The following DNAH3 variants were observed in gnomAD, a reference collection of about 807,000 sequenced individuals.
DNAH3 encodes the protein dynein axonemal heavy chain 3, also known as axonemal beta dynein heavy chain 3.
A neutral mutation model predicts 432.5 loss-of-function variants in DNAH3; 332 were observed. The observed-to-expected ratio is 0.77, with a 90% confidence interval of 0.70 to 0.84. The LOEUF is 0.84. Among genes scored for constraint, DNAH3 ranks in the 40% least tolerant of loss-of-function variants. The probability of loss-of-function intolerance (pLI) is 0.00; values close to 1 mark genes in which losing one functional copy is unlikely to be tolerated. For synonymous variants in DNAH3, 1,956 were observed against 1,900.2 expected (o/e 1.03, Z -0.76); for missense variants, 4,861 against 5,114.0 (o/e 0.95, Z 1.51).
chr16:20,973,592 C>G (rs2085443403), intron 51 of DNAH3, among the ~76,000 whole-genome samples: 1 of 152,206 alleles, frequency 6.6e-6, no homozygotes, highest in Non-Finnish European at 1.5e-5. Context: ...TTGTAATGCT[C>G]AAATGTAACC....
chr16:21,022,264 A>G (rs12925865), intron 39 of DNAH3, among the ~76,000 whole-genome samples, 164 bp from the exon 40 acceptor site: 2,833 of 152,280 alleles, frequency 0.019, 53 homozygotes, highest in Middle Eastern at 0.054. Flanking sequence ...CTATCTCAGC[A>G]TCCTCCTTCA....
intron 44 of DNAH3, among the ~76,000 whole-genome samples, chr16:20,988,937 G>A (rs907233818): frequency 3.3e-5 from 5 of 152,126 alleles, no homozygotes; most frequent in Non-Finnish European, 5.9e-5. Context: ...GGAGTTATTC[G>A]TTCCTCCCGG....
chr16:21,034,236 T>C, intron 35 of DNAH3, 151 bp from the exon 36 acceptor site: 2 of 586,258 alleles, frequency 3.4e-6, no homozygotes, highest in Non-Finnish European at 3.0e-6. Flanking sequence ...TCATGGTCTA[T>C]TGTTTACATA....
At position 21,080,961 on chromosome 16, in the gene DNAH3, A is replaced by G. The variant is rs141557307; in HGVS notation, c.2969+675T>C. ...AAGATGGAGTCTCACACTGTCACCC[A>G]GGCTGTAGTGCAATGGCGCTATCTT... is the stretch of plus-strand genomic sequence containing the variant. On this transcript the variant is annotated intron_variant, in intron 20 of 61. Transcript: ENST00000261383. Among the ~76,000 whole-genome samples, 1,493 of 152,100 alleles carry G rather than the reference A, an allele frequency of 9.8e-3. 27 individuals carry two copies. The highest frequency in any genetic ancestry group is 0.035 in the African/African-American group (1,442 of 41,492).
chr16:21,031,283 T>C (rs777443360), exon 37 of DNAH3: 29 of 1,614,020 alleles, frequency 1.8e-5, no homozygotes, highest in African/African-American at 4.0e-5. Context: ...CTCCATCTGA[T>C]TGGCTGGGCA....
chr16:21,107,774 G>A (rs534590030), intron 14 of DNAH3, among the ~76,000 whole-genome samples: 13 of 152,164 alleles, frequency 8.5e-5, no homozygotes, highest in South Asian at 6.2e-4. Flanking sequence ...CAAATCATCC[G>A]CAATACGTCC....
chr16:21,072,852 T>C (rs1191039655), intron 21 of DNAH3, among the ~76,000 whole-genome samples: 1 of 149,118 alleles, frequency 6.7e-6, no homozygotes, highest in Non-Finnish European at 1.5e-5. Context: ...ACTATTATTA[T>C]TATTATTATT....
At chr16:21,066,115 C>A (rs531390561) in intron 24 of DNAH3, among the ~76,000 whole-genome samples, 2 of 151,838 alleles carry the variant, frequency 1.3e-5, no homozygotes, top group African/African-American at 4.8e-5. Context: ...CATAAGCCAC[C>A]GTGCTCAGTC....
At chr16:20,945,129 C>T (rs2083986515) in intron 57 of DNAH3, among the ~76,000 whole-genome samples, 1 of 152,224 alleles carries the variant, frequency 6.6e-6, no homozygotes, top group African/African-American at 2.4e-5. Flanking sequence ...AAAGACCTTG[C>T]TGATAAAACA....
intron 31 of DNAH3, among the ~76,000 whole-genome samples, chr16:21,046,760 C>A (rs1056438425): frequency 4.6e-5 from 7 of 151,974 alleles, no homozygotes; most frequent in African/African-American, 1.5e-4. Context: ...GATGCAGTTT[C>A]TTCCTAGTCT....
intron 52 of DNAH3, among the ~76,000 whole-genome samples, chr16:20,969,281 CATGT>C (rs950571968): frequency 7.5e-5 from 11 of 146,194 alleles, no homozygotes; most frequent in Middle Eastern, 3.7e-3. Context: ...TGTGTGCATG[CATGT>C]GTGTGCATGT....
At chr16:21,101,919 G>A (rs542066885) in intron 16 of DNAH3, among the ~76,000 whole-genome samples, 15 of 152,250 alleles carry the variant, frequency 9.9e-5, no homozygotes, top group Non-Finnish European at 1.8e-4. Flanking sequence ...AGAGCCGGAG[G>A]GTGGGGTAGG....
At chr16:21,129,174 C>T (rs554049906) in intron 7 of DNAH3, 391 of 153,262 alleles carry the variant, frequency 2.6e-3, no homozygotes, top group African/African-American at 6.7e-3. Flanking sequence ...TACCCACCTC[C>T]GTGACTCACA....
chr16:20,945,859 A>G (rs2084022945), intron 57 of DNAH3, among the ~76,000 whole-genome samples: 1 of 152,182 alleles, frequency 6.6e-6, no homozygotes. Context: ...TTCTTGTGCA[A>G]GATCCAAGAA....
intron 21 of DNAH3, among the ~76,000 whole-genome samples, chr16:21,072,207 G>A (rs2090810160): frequency 1.3e-5 from 2 of 148,920 alleles, no homozygotes; most frequent in Admixed American, 6.7e-5. Context: ...AGAAAGTTTG[G>A]GGACCTTTGT....
chr16:21,115,760 A>T (rs866562210), intron 12 of DNAH3, among the ~76,000 whole-genome samples: 62 of 147,654 alleles, frequency 4.2e-4, no homozygotes, highest in East Asian at 1.1e-3. Flanking sequence ...ATAAAATAAA[A>T]TAAATAAAAT....
chr16:21,084,489 AT>A (rs1198260758), intron 19 of DNAH3, among the ~76,000 whole-genome samples: 6 of 151,726 alleles, frequency 4.0e-5, no homozygotes, highest in Non-Finnish European at 7.4e-5. Context: ...CGCCCGGCTA[AT>A]TTTTTTGTAT....
exon 53 of DNAH3, chr16:20,963,655 G>A (rs2084921786): frequency 6.2e-7 from 1 of 1,614,052 alleles, no homozygotes; most frequent in South Asian, 1.1e-5. Flanking sequence ...TTGGGGAGCT[G>A]GATTGGGGTA....
intron 16 of DNAH3, among the ~76,000 whole-genome samples, chr16:21,101,039 G>T (rs1050432542): frequency 1.3e-5 from 2 of 152,082 alleles, no homozygotes; most frequent in African/African-American, 4.8e-5. Flanking sequence ...ACTTACAATG[G>T]GGTTACATCC....
Sources: gnomAD v4.1 joint callset for allele counts (sites outside exome capture counted in the v4.1 genomes callset) on GRCh38, gnomAD v4.1.1 for gene constraint, MANE v1.5 for transcripts, NCBI Gene and HGNC (gene_info 2026-07-23, HGNC 2026-07-21) for gene names.